Variants in ZHX2 observed in about 807,000 individuals in gnomAD.
ZHX2 encodes the protein zinc fingers and homeoboxes 2.
ZHX2 carries 6 observed loss-of-function variants against 21.9 expected under a neutral mutation model. The ratio of observed to expected loss-of-function variants is 0.27; its 90% confidence interval spans 0.15 to 0.54. ZHX2 has a LOEUF of 0.54. ZHX2 is among the 20% of genes least tolerant of loss of function. The probability of loss-of-function intolerance (pLI) is 0.95; values close to 1 mark genes in which losing one functional copy is unlikely to be tolerated. For synonymous variants in ZHX2, 434 were observed against 437.1 expected, an observed-to-expected ratio of 0.99 and a Z score of 0.09; for missense variants, 908 against 1,090.7, an observed-to-expected ratio of 0.83 and a Z score of 2.36.
intron 1 of ZHX2, among the ~76,000 whole-genome samples, chr8:122,844,073 G>C (rs1005817347): frequency 3.3e-5 from 5 of 151,996 alleles, no homozygotes; most frequent in Non-Finnish European, 7.4e-5. Flanking sequence ...CCTTTCTTGG[G>C]GCATCTCCTA....
Position 122,953,516 on chromosome 8 carries a change from G to C in ZHX2, c.2006G>C (p.Arg669Pro). 1 of 1,614,216 alleles carries C rather than the reference G, an allele frequency of 6.2e-7. No homozygotes were observed. The highest frequency in any genetic ancestry group is 8.5e-7 in the Non-Finnish European group (1 of 1,180,048). ...TTAGCGGCCAAGACTGGCCTGGTCCGAACTGAGATTGTGCGTTGGTTCAAG... is the reference window on the plus strand; with the variant it reads ...TTAGCGGCCAAGACTGGCCTGGTCCCAACTGAGATTGTGCGTTGGTTCAAG... ...DQLAAKTGLV[R>P]TEIVRWFKEN... The change falls in exon 3 of 4, where the codon CGA (arginine) becomes CCA (proline). Residue 669 changes from arginine (R) to proline (P), a missense_variant. Around this residue, in one of 4 missense-constraint regions of ZHX2, gnomAD observed 431 missense variants for 428.6 expected, o/e 1.01. Coordinates refer to ENST00000314393, the MANE Select transcript of ZHX2 (RefSeq NM_014943.5). The surrounding 1 kb of genome is among the most constrained non-coding windows in gnomAD (Gnocchi z 4.6).
At chr8:122,843,494 G>T (rs536081740) in intron 1 of ZHX2, among the ~76,000 whole-genome samples, 2 of 152,320 alleles carry the variant, frequency 1.3e-5, no homozygotes, top group Admixed American at 6.5e-5. Context: ...GTATCCTACT[G>T]GTAGTGGCCT....
intron 2 of ZHX2, among the ~76,000 whole-genome samples, chr8:122,924,048 G>A (rs924407076): frequency 2.6e-5 from 4 of 152,154 alleles, no homozygotes; most frequent in Admixed American, 6.5e-5. Flanking sequence ...TGTCCAGGCC[G>A]TGATTACCTG....
intron 1 of ZHX2, among the ~76,000 whole-genome samples, chr8:122,829,530 G>A (rs575008603): frequency 1.7e-4 from 26 of 152,310 alleles, no homozygotes; most frequent in Non-Finnish European, 3.1e-4. Flanking sequence ...GAGAAAATGA[G>A]AATAAGAACA....
chr8:122,823,103 G>T (rs1563742848), intron 1 of ZHX2, among the ~76,000 whole-genome samples: 1 of 152,144 alleles, frequency 6.6e-6, no homozygotes, highest in Non-Finnish European at 1.5e-5. Flanking sequence ...CGTGTGTCCT[G>T]GTCTGGGTCC....
intron 1 of ZHX2, among the ~76,000 whole-genome samples, chr8:122,820,438 C>A (rs762577043): frequency 6.6e-6 from 1 of 152,220 alleles, no homozygotes; most frequent in African/African-American, 2.4e-5. Flanking sequence ...TGAGGGTGAA[C>A]GCCGCCGAAT....
chr8:122,792,512 A>G (rs11776311), intron 1 of ZHX2, among the ~76,000 whole-genome samples: 91,480 of 151,990 alleles, frequency 0.6, 27,757 homozygotes, highest in Admixed American at 0.66. Flanking sequence ...TGGGTTGTAT[A>G]GTAACTCTAT....
chr8:122,956,919 G>T (rs1813317556), intron 3 of ZHX2, among the ~76,000 whole-genome samples: 3 of 152,064 alleles, frequency 2.0e-5, no homozygotes, highest in African/African-American at 7.2e-5. Context: ...AAATGCACAT[G>T]GGGGTGGGAT....
At chr8:122,877,440 T>C (rs1025071813) in intron 2 of ZHX2, among the ~76,000 whole-genome samples, 2 of 152,188 alleles carry the variant, frequency 1.3e-5, no homozygotes, top group Non-Finnish European at 2.9e-5. Flanking sequence ...CTACATCATT[T>C]AATCTTCATA....
chr8:122,860,251 A>G (rs946457080), intron 1 of ZHX2, among the ~76,000 whole-genome samples: 2 of 152,212 alleles, frequency 1.3e-5, no homozygotes, highest in Admixed American at 6.5e-5. Flanking sequence ...TCATGATTCA[A>G]TTACCTCCAC....
chr8:122,959,399 C>T (rs7013906), intron 3 of ZHX2, among the ~76,000 whole-genome samples: 102,280 of 150,942 alleles, frequency 0.68, 34,756 homozygotes, highest in Middle Eastern at 0.77. Context: ...AATGAATGAA[C>T]GAACGAATTA....
chr8:122,853,194 T>C (rs531910518), intron 1 of ZHX2, among the ~76,000 whole-genome samples: 47 of 152,308 alleles, frequency 3.1e-4, no homozygotes, highest in African/African-American at 1.1e-3. Flanking sequence ...GTGCCATCAC[T>C]AGGTGAGTTA....
At chr8:122,821,300 C>T (rs141781707) in intron 1 of ZHX2, among the ~76,000 whole-genome samples, 281 of 152,266 alleles carry the variant, frequency 1.8e-3, no homozygotes, top group Non-Finnish European at 3.2e-3. Context: ...GGATGGGATA[C>T]AATGGAGGTG....
At chr8:122,786,599 C>T (rs1210258378) in intron 1 of ZHX2, among the ~76,000 whole-genome samples, 1 of 152,190 alleles carries the variant, frequency 6.6e-6, no homozygotes, top group Non-Finnish European at 1.5e-5. Flanking sequence ...TCACTGCAAC[C>T]ACCTCAAGAA....
rs1819534846 is a variant in ZHX2, at chr8:122,875,132, TATATATATATATA to T, written c.-220+11594_-220+11606del. Among the ~76,000 whole-genome samples, 200 of 96,726 alleles carry T rather than the reference TATATATATATATA, an allele frequency of 2.1e-3. 29 individuals are homozygous for T. Among genetic ancestry groups the T allele is most frequent in the African/African-American group, 4.0e-3 (98 of 24,214 alleles). 63.5% of individuals were successfully genotyped at this position (96,726 alleles called of 152,430 possible). On this transcript the variant is annotated intron_variant, in intron 2 of 3. Transcript: ENST00000314393. ...TTTTAGAGGAAGGAAAACTCTGTTATATATATATATATATATATATATATATATATATATATAT... is the reference window on the plus strand; with the variant it reads ...TTTTAGAGGAAGGAAAACTCTGTTATTATATATATATATATATATATATAT...
At chr8:122,795,463 G>A (rs775441886) in intron 1 of ZHX2, among the ~76,000 whole-genome samples, 11 of 152,244 alleles carry the variant, frequency 7.2e-5, no homozygotes, top group Middle Eastern at 3.4e-3. Flanking sequence ...TTCCTCTTGG[G>A]AGCACCATCT....
intron 1 of ZHX2, among the ~76,000 whole-genome samples, chr8:122,799,108 C>T (rs1446812947): frequency 6.6e-6 from 1 of 152,216 alleles, no homozygotes; most frequent in Non-Finnish European, 1.5e-5. Context: ...AGCACTGCCC[C>T]CTCCTTTACA....
chr8:122,957,619 C>T (rs1813341846), intron 3 of ZHX2, among the ~76,000 whole-genome samples: 2 of 152,298 alleles, frequency 1.3e-5, no homozygotes, highest in African/African-American at 4.8e-5. Context: ...AGGCACGTGC[C>T]ACCATACCCA....
intron 1 of ZHX2, among the ~76,000 whole-genome samples, chr8:122,822,680 T>C (rs1295055891): frequency 1.3e-5 from 2 of 152,288 alleles, no homozygotes; most frequent in East Asian, 3.9e-4. Context: ...AGATGACAGC[T>C]CTCTGGGTAG....
Sources: gnomAD v4.1 joint callset for allele counts (sites outside exome capture counted in the v4.1 genomes callset) on GRCh38, gnomAD v4.1.1 for gene constraint, gnomAD v4.1.1 regional missense constraint, Gnocchi (gnomAD v3.1) non-coding constraint, MANE v1.5 for transcripts, NCBI Gene and HGNC (gene_info 2026-07-23, HGNC 2026-07-21) for gene names.